The following ANP32B variants were observed in gnomAD, a reference collection of about 807,000 sequenced individuals.
ANP32B encodes the protein acidic leucine-rich nuclear phosphoprotein 32 family member B.
In ANP32B, 6 loss-of-function variants were observed where a neutral mutation model predicts 32.2. The ratio of observed to expected loss-of-function variants is 0.19; its 90% confidence interval spans 0.10 to 0.37. ANP32B has a LOEUF of 0.37. Ranked by LOEUF, ANP32B falls within the 10% of genes least tolerant of loss-of-function variation. The pLI is 1.00. For synonymous variants in ANP32B, 98 were observed against 105.8 expected (o/e 0.93, Z 0.45); for missense variants, 204 against 289.2 (o/e 0.71, Z 2.14).
At chr9:97,993,692 A>G (rs1044056675) in intron 1 of ANP32B, among the ~76,000 whole-genome samples, 5 of 152,246 alleles carry the variant, frequency 3.3e-5, no homozygotes, top group East Asian at 3.9e-4. Context: ...CTGGAGTGCA[A>G]TGGCGAAATC....
In ANP32B at chr9:98,004,952, C is replaced by A. The variant is rs550769169; in HGVS notation, c.328-12C>A. 11 of 1,593,360 alleles carry A rather than the reference C, an allele frequency of 6.9e-6. No individual in the cohort carries two copies. In the African/African-American group the frequency reaches 1.4e-4, roughly 20 times the overall value. On this transcript the variant is annotated splice_polypyrimidine_tract_variant and intron_variant, in intron 3 of 6. Coordinates refer to ENST00000339399, the MANE Select transcript of ANP32B (RefSeq NM_006401.3). ...TGGTTTAGGAGTTGTGGTTTTTGAT[C>A]CTTTTCTTCAGAAAAAGTTAGAATG...
chr9:98,008,112 T>C (rs1828118275), intron 4 of ANP32B, among the ~76,000 whole-genome samples: 1 of 152,106 alleles, frequency 6.6e-6, no homozygotes, highest in South Asian at 2.1e-4. Context: ...CATTAGCTAG[T>C]TTTCCTGATG....
chr9:97,993,780 C>T (rs571215584), intron 1 of ANP32B, among the ~76,000 whole-genome samples: 2 of 152,280 alleles, frequency 1.3e-5, no homozygotes, highest in South Asian at 4.1e-4. Context: ...GGATTACAGG[C>T]ACTCGCCATC....
intron 5 of ANP32B, 101 bp downstream of exon 5, chr9:98,011,490 A>G (rs1828185097): frequency 6.9e-7 from 1 of 1,450,028 alleles, no homozygotes; most frequent in Non-Finnish European, 9.2e-7. Context: ...CCTTTTGAAG[A>G]AATTAGTATA....
chr9:98,010,061 C>G (rs1040900364), intron 4 of ANP32B, among the ~76,000 whole-genome samples: 1 of 152,074 alleles, frequency 6.6e-6, no homozygotes, highest in African/African-American at 2.4e-5. Flanking sequence ...TCACCTCAAA[C>G]AGGAAGAACA....
Position 98,005,213 on chromosome 9 carries a change from C to T in ANP32B, c.517+60C>T, listed in dbSNP as rs962061462. 3.2e-6 allele frequency: 5 copies of T among 1,548,010 alleles called. No homozygotes were observed. The South Asian group carries it at 3.5e-5, about 11-fold the overall frequency. On this transcript the variant is annotated intron_variant, in intron 4 of 6. Coordinates refer to ENST00000339399, the MANE Select transcript of ANP32B (RefSeq NM_006401.3). ...TGCCTTTCAAAGCCTCTGATAAAAGCTATTGGATGTTGGCCGGGCGCAGTG... is the reference window on the plus strand; with the variant it reads ...TGCCTTTCAAAGCCTCTGATAAAAGTTATTGGATGTTGGCCGGGCGCAGTG...
intron 1 of ANP32B, among the ~76,000 whole-genome samples, chr9:97,991,126 C>CT (rs566405365): frequency 0.26 from 37,613 of 144,366 alleles, 5,213 homozygotes; most frequent in South Asian, 0.49. Flanking sequence ...CCCAGCCAAA[C>CT]TTTTTTTTTT....
At chr9:97,994,316 C>G (rs1827872828) in intron 1 of ANP32B, among the ~76,000 whole-genome samples, 1 of 152,126 alleles carries the variant, frequency 6.6e-6, no homozygotes, top group African/African-American at 2.4e-5. Context: ...CTTTGGGGAA[C>G]AGGCTGGAGA....
At chr9:98,008,066 G>A (rs1473500918) in intron 4 of ANP32B, among the ~76,000 whole-genome samples, 3 of 151,958 alleles carry the variant, frequency 2.0e-5, no homozygotes, top group African/African-American at 7.3e-5. Flanking sequence ...AGATAAACGT[G>A]TACCATCCCA....
intron 2 of ANP32B, among the ~76,000 whole-genome samples, chr9:97,997,341 G>GT (rs972779323): frequency 3.3e-5 from 5 of 152,016 alleles, no homozygotes; most frequent in South Asian, 2.1e-4. Flanking sequence ...CAGCTGACCT[G>GT]TTTTTTTAAC....
chr9:98,005,165 C>T lies in ANP32B; in HGVS notation c.517+12C>T, dbSNP rs1041051899. On this transcript the variant is annotated intron_variant, in intron 4 of 6. Coordinates refer to ENST00000339399, the MANE Select transcript of ANP32B (RefSeq NM_006401.3). ...GGAGGAGGACGAAGGTGAGTAGGCTCAGCATCTGGTGAACCTGATGTCTGC... is the reference window on the plus strand; with the variant it reads ...GGAGGAGGACGAAGGTGAGTAGGCTTAGCATCTGGTGAACCTGATGTCTGC... The T allele has an allele frequency of 1.9e-6, 3 of 1,610,516 alleles. No homozygotes were observed. Among genetic ancestry groups the T allele is most frequent in the African/African-American group, 1.3e-5 (1 of 74,718 alleles).
chr9:98,004,988 C>T lies in ANP32B; in HGVS notation c.352C>T (p.Leu118=). Residue 118 remains leucine, a synonymous_variant, in exon 4 of 7, where the codon CTG becomes TTG. Coordinates refer to ENST00000339399, the MANE Select transcript of ANP32B (RefSeq NM_006401.3). ...PLKKLECLKS[L]DLFNCEVTNL... ...GAAAAAGTTAGAATGTCTGAAAAGC[C>T]TGGACCTCTTTAACTGTGAGGTTAC... 2 of 1,612,000 alleles carry T rather than the reference C, an allele frequency of 1.2e-6. No homozygotes were observed. Among genetic ancestry groups the T allele is most frequent in the Non-Finnish European group, 1.7e-6 (2 of 1,179,360 alleles).
intron 4 of ANP32B, among the ~76,000 whole-genome samples, chr9:98,010,236 C>G (rs746404077): frequency 6.7e-6 from 1 of 149,938 alleles, no homozygotes; most frequent in African/African-American, 2.4e-5. Flanking sequence ...AGGTTCCTAC[C>G]CTCTTGGACC....
At chr9:97,994,603 C>G in intron 1 of ANP32B, 28 bp from the exon 2 acceptor site, 1 of 1,546,584 alleles carries the variant, frequency 6.5e-7, no homozygotes, top group South Asian at 1.2e-5. Context: ...TTTTTGAGAG[C>G]TTATCCTTTT....
intron 1 of ANP32B, among the ~76,000 whole-genome samples, chr9:97,984,283 C>T (rs1016463258): frequency 1.2e-4 from 18 of 151,178 alleles, no homozygotes; most frequent in Non-Finnish European, 2.5e-4. Flanking sequence ...ACCGCCGCCC[C>T]TCCCGAGGCC....
In ANP32B at chr9:98,015,611, T is replaced by C; in HGVS notation, c.*180T>C. Reference sequence around the variant, plus strand: ...CGCCTTCCTTCCATGTAGTCCCTCTTGGTAATCTACCACCAAGCTTGTGGA... The same window carrying C: ...CGCCTTCCTTCCATGTAGTCCCTCTCGGTAATCTACCACCAAGCTTGTGGA... On this transcript the variant is annotated 3_prime_UTR_variant, in exon 7 of 7. Transcript: ENST00000339399. The C allele has an allele frequency of 7.6e-7, 1 of 1,323,966 alleles. No homozygotes were observed. Among genetic ancestry groups the C allele is most frequent in the Non-Finnish European group, 9.7e-7 (1 of 1,029,780 alleles). The allele number at this position is 1,323,966 out of a possible 1,614,324, so 82.0% of individuals were successfully genotyped here.
At chr9:97,984,134 T>G (rs2131577091) in intron 1 of ANP32B, among the ~76,000 whole-genome samples, 1 of 148,356 alleles carries the variant, frequency 6.7e-6, no homozygotes, top group Non-Finnish European at 1.5e-5. Context: ...CCGGCCGAGG[T>G]CAGCAGTCGT....
chr9:98,012,585 G>A, intron 6 of ANP32B, 113 bp downstream of exon 6: 1 of 1,452,948 alleles, frequency 6.9e-7, no homozygotes, highest in Non-Finnish European at 9.3e-7. Flanking sequence ...GGCTCTGGTG[G>A]TTTACACATT....
chr9:98,011,441 T>TG (rs1828184262), intron 5 of ANP32B, 52 bp downstream of exon 5: 8 of 1,544,266 alleles, frequency 5.2e-6, no homozygotes, highest in Non-Finnish European at 7.0e-6. Context: ...ACAACAAAAG[T>TG]GGGGGTTTCA....
Sources: gnomAD v4.1 joint callset for allele counts (sites outside exome capture counted in the v4.1 genomes callset) on GRCh38, gnomAD v4.1.1 for gene constraint, MANE v1.5 for transcripts, NCBI Gene and HGNC (gene_info 2026-07-23, HGNC 2026-07-21) for gene names.